The following MICU1 variants were observed in gnomAD, a reference collection of about 807,000 sequenced individuals.
MICU1 encodes calcium uptake protein 1, mitochondrial.
MICU1 carries 45 observed loss-of-function variants against 56.8 expected under a neutral mutation model. The ratio of observed to expected loss-of-function variants is 0.79; its 90% CI spans 0.62 to 1.02. The LOEUF is 1.02. MICU1 is among the 50% of genes least tolerant of loss of function. The pLI is 0.00. For missense variants in MICU1, 504 were observed against 587.1 expected (o/e 0.86, Z 1.46); for synonymous variants, 186 against 195.1 (o/e 0.95, Z 0.39).
intron 8 of MICU1, among the ~76,000 whole-genome samples, chr10:72,461,220 G>C (rs952757083): frequency 6.6e-6 from 1 of 152,160 alleles, no homozygotes; most frequent in African/African-American, 2.4e-5. Flanking sequence ...TTTAAGCCTG[G>C]CTTGGGACAA....
intron 10 of MICU1, among the ~76,000 whole-genome samples, chr10:72,400,878 C>G (rs1200294985): frequency 6.6e-6 from 1 of 151,006 alleles, no homozygotes; most frequent in Non-Finnish European, 1.5e-5. Flanking sequence ...CACACACACA[C>G]ACACACACAC....
intron 8 of MICU1, among the ~76,000 whole-genome samples, chr10:72,426,972 T>C (rs1339246755): frequency 1.3e-5 from 2 of 152,246 alleles, no homozygotes; most frequent in Non-Finnish European, 2.9e-5. Flanking sequence ...TACAGGCTTA[T>C]ATTTTACTTC....
chr10:72,378,596 G>C (rs773491614), intron 10 of MICU1, among the ~76,000 whole-genome samples: 16 of 152,288 alleles, frequency 1.1e-4, no homozygotes, highest in South Asian at 6.2e-4. Context: ...CCCAGTCTCA[G>C]GTAGTTCTTT....
rs1866970474 is a variant in MICU1 at position 72,499,979 on chromosome 10, A to G, written c.652+8176T>C. ...TCAAAAGGCTTGTATATTTGTGAGA[A>G]AGATGCATCATAATGAGGATGTAGC... On this transcript the variant is annotated intron_variant, in intron 6 of 11. Transcript: ENST00000361114. Among the ~76,000 whole-genome samples, 3 of 152,192 alleles carry G rather than the reference A, an allele frequency of 2.0e-5. 1 individual carries two copies. The South Asian group carries it at 6.2e-4, about 32-fold the overall frequency.
intron 6 of MICU1, among the ~76,000 whole-genome samples, chr10:72,507,524 A>T (rs1367571480): frequency 6.6e-6 from 1 of 152,240 alleles, no homozygotes; most frequent in Non-Finnish European, 1.5e-5. Flanking sequence ...ATGATAGATC[A>T]AAATATGTGT....
chr10:72,415,690 T>C (rs1297414062), intron 9 of MICU1, among the ~76,000 whole-genome samples: 2 of 152,218 alleles, frequency 1.3e-5, no homozygotes, highest in Non-Finnish European at 2.9e-5. Flanking sequence ...TTCCACCATC[T>C]GCTTCCATAA....
At chr10:72,425,684 C>T (rs1283922465) in intron 8 of MICU1, among the ~76,000 whole-genome samples, 1 of 152,066 alleles carries the variant, frequency 6.6e-6, no homozygotes, top group Non-Finnish European at 1.5e-5. Context: ...CAGCACCTCT[C>T]CTTTTAGGTT....
At chr10:72,431,366 G>A (rs937419163) in intron 8 of MICU1, among the ~76,000 whole-genome samples, 13 of 152,274 alleles carry the variant, frequency 8.5e-5, no homozygotes, top group Admixed American at 8.5e-4. Flanking sequence ...CTGGCCTCAA[G>A]TGATCCTCCC....
chr10:72,567,407 T>G (rs866141362), intron 1 of MICU1, among the ~76,000 whole-genome samples: 13 of 151,942 alleles, frequency 8.6e-5, no homozygotes, highest in African/African-American at 2.9e-4. Flanking sequence ...ATAGCAGATA[T>G]AGGGAGCAGT....
chr10:72,614,946 G>T (rs1230932648), intron 1 of MICU1, among the ~76,000 whole-genome samples: 1 of 152,120 alleles, frequency 6.6e-6, no homozygotes, highest in African/African-American at 2.4e-5. Context: ...GAAAATTGAC[G>T]ATTTTGACCA....
chr10:72,576,554 T>C (rs1396414978), intron 1 of MICU1, among the ~76,000 whole-genome samples: 1 of 152,172 alleles, frequency 6.6e-6, no homozygotes, highest in Non-Finnish European at 1.5e-5. Flanking sequence ...GAAGAAAAGT[T>C]TGAAGCTAGC....
intron 1 of MICU1, among the ~76,000 whole-genome samples, chr10:72,580,499 C>A (rs1840870382): frequency 6.6e-6 from 1 of 151,670 alleles, no homozygotes; most frequent in African/African-American, 2.4e-5. Context: ...TATTTTGAGA[C>A]AGAGTCTCAC....
At chr10:72,475,029 G>A (rs1866069269) in intron 8 of MICU1, 71 bp downstream of exon 8, 1 of 1,302,010 alleles carries the variant, frequency 7.7e-7, no homozygotes, top group African/African-American at 1.5e-5. Flanking sequence ...TGGAAAGAAT[G>A]CCTATAGTAC....
chr10:72,492,147 T>C (rs1158020086), intron 6 of MICU1, among the ~76,000 whole-genome samples: 1 of 152,190 alleles, frequency 6.6e-6, no homozygotes, highest in Non-Finnish European at 1.5e-5. Context: ...AGACGGGTCC[T>C]TGTAGGCCAC....
intron 9 of MICU1, among the ~76,000 whole-genome samples, chr10:72,414,991 C>T (rs1190567836): frequency 1.3e-5 from 2 of 151,484 alleles, no homozygotes; most frequent in East Asian, 3.9e-4. Context: ...TGTCATGTAT[C>T]CTCTGCTCAA....
chr10:72,616,117 C>G (rs1407552970), intron 1 of MICU1, among the ~76,000 whole-genome samples: 1 of 152,204 alleles, frequency 6.6e-6, no homozygotes, highest in Non-Finnish European at 1.5e-5. Context: ...TGTGTCACTT[C>G]TGTTTTGGTT....
intron 10 of MICU1, among the ~76,000 whole-genome samples, chr10:72,377,163 A>C (rs892560788): frequency 1.3e-5 from 2 of 151,942 alleles, no homozygotes; most frequent in Non-Finnish European, 2.9e-5. Flanking sequence ...TCTGTCCGCC[A>C]GACTGGAGTG....
chr10:72,619,371 G>A (rs1264992098), intron 1 of MICU1, among the ~76,000 whole-genome samples: 1 of 152,222 alleles, frequency 6.6e-6, no homozygotes, highest in African/African-American at 2.4e-5. Flanking sequence ...TGTGAACCCA[G>A]GAGGCGGGGT....
At chr10:72,424,120 A>C (rs7073226) in intron 8 of MICU1, among the ~76,000 whole-genome samples, 28,003 of 61,438 alleles carry the variant, frequency 0.46, 7,954 homozygotes, top group African/African-American at 0.68. Flanking sequence ...TTTCCCCCCC[A>C]CCTTTTTTTT....
Sources: gnomAD v4.1 joint callset for allele counts (sites outside exome capture counted in the v4.1 genomes callset) on GRCh38, gnomAD v4.1.1 for gene constraint, MANE v1.5 for transcripts, NCBI Gene and HGNC (gene_info 2026-07-23, HGNC 2026-07-21) for gene names.